PDE1C: variants seen among roughly 807,000 people sequenced by gnomAD.
PDE1C encodes the protein dual specificity calcium/calmodulin-dependent 3',5'-cyclic nucleotide phosphodiesterase 1C.
Under a neutral mutation model 93.1 loss-of-function variants are expected in PDE1C, and 62 were observed. That is an observed-to-expected ratio of 0.67 (90% CI 0.54 to 0.82). The LOEUF (loss-of-function observed/expected upper bound fraction) is 0.82, where lower values mean the gene tolerates loss of function less well. Among genes scored for constraint, PDE1C ranks in the 40% least tolerant of loss-of-function variants. PDE1C has a pLI of 0.00. For synonymous variants in PDE1C, 325 were observed against 310.1 expected (o/e 1.05, Z -0.50); for missense variants, 742 against 884.6 (o/e 0.84, Z 2.04).
intron 17 of PDE1C, among the ~76,000 whole-genome samples, chr7:31,764,078 A>G (rs1057452757): frequency 3.3e-5 from 5 of 151,770 alleles, no homozygotes; most frequent in Admixed American, 1.3e-4. Flanking sequence ...ATTTTAAGCA[A>G]AGGAAAAATG....
chr7:32,019,772 C>T (rs1028332727), intron 2 of PDE1C, among the ~76,000 whole-genome samples: 6 of 152,002 alleles, frequency 3.9e-5, no homozygotes, highest in East Asian at 3.9e-4. Context: ...GGGTGACTCC[C>T]GGGTTTGTGG....
chr7:32,094,475 T>A (rs1258005953), intron 3 of PDE1C, among the ~76,000 whole-genome samples: 1 of 152,208 alleles, frequency 6.6e-6, no homozygotes, highest in Non-Finnish European at 1.5e-5. Context: ...CTCCCTTTAC[T>A]GCTAAACAAG....
At chr7:32,209,938 G>A (rs570301464) in intron 1 of PDE1C, among the ~76,000 whole-genome samples, 5 of 152,140 alleles carry the variant, frequency 3.3e-5, no homozygotes, top group Non-Finnish European at 5.9e-5. Context: ...CCCAAGCATC[G>A]AAATGAATCT....
At chr7:32,248,148 C>T (rs12701203) in intron 1 of PDE1C, among the ~76,000 whole-genome samples, 1 of 151,954 alleles carries the variant, frequency 6.6e-6, no homozygotes, top group African/African-American at 2.4e-5. Context: ...AATATTATAC[C>T]TGTTGGGTTT....
the PDE1C span, among the ~76,000 whole-genome samples, chr7:31,702,692 G>A: frequency 6.6e-6 from 1 of 152,114 alleles, no homozygotes; most frequent in African/African-American, 2.4e-5. Context: ...TCAACAACTT[G>A]CATGATGAAT....
At chr7:32,408,509 C>T (rs172558) in intron 1 of PDE1C, among the ~76,000 whole-genome samples, 28,853 of 152,248 alleles carry the variant, frequency 0.19, 3,311 homozygotes, top group East Asian at 0.34. Context: ...CATTAAAGGG[C>T]CGGGCACGGT....
chr7:31,709,977 C>A, the PDE1C span, among the ~76,000 whole-genome samples: 1 of 152,076 alleles, frequency 6.6e-6, no homozygotes, highest in South Asian at 2.1e-4. Context: ...CAGAGAGACT[C>A]TGTCTCCACA....
chr7:31,656,139 G>T, the PDE1C span: 1 of 533,228 alleles, frequency 1.9e-6, no homozygotes. Context: ...TTGCTTTTTT[G>T]TTAAAACACT....
At chr7:32,185,316 G>C (rs1803780980) in intron 2 of PDE1C, among the ~76,000 whole-genome samples, 1 of 150,828 alleles carries the variant, frequency 6.6e-6, no homozygotes, top group Non-Finnish European at 1.5e-5. Flanking sequence ...GTTCTATTTG[G>C]TCACGTTATA....
At chr7:31,638,375 C>T in the PDE1C span, among the ~76,000 whole-genome samples, 1 of 152,154 alleles carries the variant, frequency 6.6e-6, no homozygotes, top group Admixed American at 6.5e-5. Flanking sequence ...AGGTTAAAGG[C>T]TCTGTAAAAG....
At chr7:32,190,388 C>G (rs1407845178) in intron 2 of PDE1C, among the ~76,000 whole-genome samples, 1 of 152,222 alleles carries the variant, frequency 6.6e-6, no homozygotes, top group African/African-American at 2.4e-5. Flanking sequence ...CCTCCTTGGT[C>G]TACCTGCCTG....
At chr7:31,823,895 G>A (rs1223717832) in intron 13 of PDE1C, among the ~76,000 whole-genome samples, 1 of 152,114 alleles carries the variant, frequency 6.6e-6, no homozygotes, top group Non-Finnish European at 1.5e-5. Flanking sequence ...AGTGGTTAAA[G>A]AAGTGACTGG....
At chr7:32,101,300 G>C (rs1183446483) in intron 3 of PDE1C, among the ~76,000 whole-genome samples, 1 of 152,146 alleles carries the variant, frequency 6.6e-6, no homozygotes, top group Non-Finnish European at 1.5e-5. Context: ...CTTGGCCAAG[G>C]ACAATTGAAA....
At chr7:32,398,914 C>T (rs1226434688) in intron 1 of PDE1C, among the ~76,000 whole-genome samples, 1 of 152,086 alleles carries the variant, frequency 6.6e-6, no homozygotes, top group East Asian at 1.9e-4. Flanking sequence ...AACAGATCAC[C>T]AGCACATAGG....
intron 1 of PDE1C, among the ~76,000 whole-genome samples, chr7:32,245,719 G>A (rs938750364): frequency 6.6e-6 from 1 of 152,204 alleles, no homozygotes; most frequent in Non-Finnish European, 1.5e-5. Flanking sequence ...ATACTGGGAA[G>A]TCCAAAATCA....
Position 32,368,911 on chromosome 7 carries a change from A to C in PDE1C, c.310+58911T>G, listed in dbSNP as rs1217139375. On this transcript the variant is annotated intron_variant, in intron 1 of 1. Coordinates refer to the PDE1C transcript ENST00000672256. ...ATACTGGAGAAAGACACTCTCATCAACAAATGGTGCTGGGGAAACTGGCTA... is the reference window on the plus strand; with the variant it reads ...ATACTGGAGAAAGACACTCTCATCACCAAATGGTGCTGGGGAAACTGGCTA... Among the ~76,000 whole-genome samples, 5 of 152,188 alleles carry C rather than the reference A, an allele frequency of 3.3e-5. No individual in the cohort carries two copies. In the East Asian group the frequency reaches 7.7e-4, roughly 23 times the overall value.
intron 2 of PDE1C, among the ~76,000 whole-genome samples, chr7:31,936,290 C>T (rs1044428433): frequency 3.9e-5 from 6 of 152,036 alleles, no homozygotes; most frequent in Non-Finnish European, 5.9e-5. Context: ...TTGCTTCTAC[C>T]ACACCCAAAC....
intron 2 of PDE1C, among the ~76,000 whole-genome samples, chr7:31,955,404 C>T (rs577114166): frequency 7.9e-5 from 12 of 152,250 alleles, no homozygotes; most frequent in Middle Eastern, 3.4e-3. Context: ...GTTTTACCTT[C>T]ATTGGTAAAG....
At chr7:31,634,987 C>T in the PDE1C span, among the ~76,000 whole-genome samples, 3 of 152,096 alleles carry the variant, frequency 2.0e-5, no homozygotes, top group African/African-American at 7.2e-5. Context: ...ATTGGCCAGG[C>T]GTGCTGGTAC....
Sources: allele counts gnomAD v4.1 joint callset (sites outside exome capture counted in the v4.1 genomes callset), GRCh38; gene constraint gnomAD v4.1.1; transcripts MANE v1.5; gene names NCBI Gene and HGNC (gene_info 2026-07-23, HGNC 2026-07-21).